PDK1: variants seen among roughly 807,000 people sequenced by gnomAD.
The protein encoded by PDK1 is pyruvate dehydrogenase kinase 1.
A neutral mutation model predicts 54.2 loss-of-function variants in PDK1; 39 were observed. The ratio of observed to expected loss-of-function variants is 0.72; its 90% CI spans 0.56 to 0.94. The LOEUF (loss-of-function observed/expected upper bound fraction) is 0.94, where lower values mean the gene tolerates loss of function less well. PDK1 is among the 40% of genes least tolerant of loss of function. The probability of loss-of-function intolerance (pLI) is 0.00; values close to 1 mark genes in which losing one functional copy is unlikely to be tolerated. For missense variants in PDK1, 552 were observed against 566.0 expected (o/e 0.98, Z 0.25); for synonymous variants, 221 against 207.1 (o/e 1.07, Z -0.58).
the PDK1 span, among the ~76,000 whole-genome samples, chr2:172,619,232 C>G: frequency 6.6e-6 from 1 of 152,288 alleles, no homozygotes; most frequent in African/African-American, 2.4e-5. Context: ...GACATTTGCA[C>G]TCATTCTGCT....
At chr2:172,626,146 A>G in the PDK1 span, among the ~76,000 whole-genome samples, 1 of 152,312 alleles carries the variant, frequency 6.6e-6, no homozygotes, top group South Asian at 2.1e-4. Flanking sequence ...AATAATTTAT[A>G]GTTAAGAAAC....
At chr2:172,723,279 T>C in the PDK1 span, 1 of 152,192 alleles carries the variant, frequency 6.6e-6, no homozygotes, top group African/African-American at 2.4e-5. Context: ...TACTATTCTT[T>C]TGATGACAAA....
intron 6 of PDK1, among the ~76,000 whole-genome samples, chr2:172,567,455 G>A (rs1558932517): frequency 6.6e-6 from 1 of 152,182 alleles, no homozygotes; most frequent in African/African-American, 2.4e-5. Context: ...GGATTGATGA[G>A]TCTCTTTTTC....
the PDK1 span, among the ~76,000 whole-genome samples, chr2:172,632,836 C>T: frequency 2.0e-3 from 297 of 151,490 alleles, no homozygotes; most frequent in African/African-American, 6.4e-3. Flanking sequence ...AAAAATTAGC[C>T]GGGTGTGGTG....
At chr2:172,669,388 T>C in the PDK1 span, among the ~76,000 whole-genome samples, 2 of 152,332 alleles carry the variant, frequency 1.3e-5, no homozygotes, top group South Asian at 4.1e-4. Context: ...TTCCATCGTG[T>C]ATATATAACA....
the PDK1 span, among the ~76,000 whole-genome samples, chr2:172,671,602 A>T: frequency 6.6e-6 from 1 of 151,506 alleles, no homozygotes. Context: ...TTCTTTGTAA[A>T]TTACTGTCTA....
chr2:172,556,252 C>A lies in PDK1; in HGVS notation c.102C>A (p.Ser34=). 1 of 1,474,588 alleles carries A rather than the reference C, an allele frequency of 6.8e-7. No individual in the cohort carries two copies. The allele number at this position is 1,474,588 out of a possible 1,614,324, so 91.3% of individuals were successfully genotyped here. The change falls in exon 1 of 11, where the codon TCC becomes TCA. Residue 34 remains serine (S), a synonymous_variant. Transcript: ENST00000282077. ...GCAGCTTCAGCTCGGACTCGGGCTC[C>A]AGCCCGGCGTCCGAGCGCGGCGTTC... ...FSRSFSSDSG[S]SPASERGVPG...
chr2:172,595,512 A>G (rs1289218142), intron 10 of PDK1, among the ~76,000 whole-genome samples: 2 of 152,110 alleles, frequency 1.3e-5, no homozygotes, highest in African/African-American at 2.4e-5. Context: ...CATTTAACCA[A>G]CTTCTTCAGT....
intron 7 of PDK1, 31 bp downstream of exon 7, chr2:172,568,848 C>T (rs1689101407): frequency 7.7e-7 from 1 of 1,291,622 alleles, no homozygotes; most frequent in African/African-American, 1.5e-5. Context: ...TAACCTTTAC[C>T]AGTACTTTTC....
the PDK1 span, among the ~76,000 whole-genome samples, chr2:172,696,836 T>C: frequency 0.042 from 6,361 of 152,256 alleles, 198 homozygotes; most frequent in Non-Finnish European, 0.062. Flanking sequence ...ATAGGATCCT[T>C]GTAGTGTATG....
At chr2:172,690,866 G>A in the PDK1 span, among the ~76,000 whole-genome samples, 1 of 148,656 alleles carries the variant, frequency 6.7e-6, no homozygotes, top group Non-Finnish European at 1.5e-5. Flanking sequence ...GTGGGGAGCT[G>A]GGGGAGGGAT....
At chr2:172,568,930 C>T in intron 7 of PDK1, 113 bp downstream of exon 7, 1 of 682,008 alleles carries the variant, frequency 1.5e-6, no homozygotes, top group Non-Finnish European at 2.7e-6. Flanking sequence ...CATTTCACAT[C>T]AGTATCATAT....
chr2:172,575,069 T>A (rs1027657967), intron 8 of PDK1, among the ~76,000 whole-genome samples: 3 of 152,250 alleles, frequency 2.0e-5, no homozygotes, highest in Non-Finnish European at 4.4e-5. Flanking sequence ...GTTTTTATCA[T>A]GAAAGGATGT....
chr2:172,634,011 G>A, the PDK1 span, among the ~76,000 whole-genome samples: 1 of 149,968 alleles, frequency 6.7e-6, no homozygotes, highest in Non-Finnish European at 1.5e-5. Context: ...AAGTAGCTGG[G>A]ATTAGAGGCA....
At chr2:172,620,278 T>C in the PDK1 span, among the ~76,000 whole-genome samples, 1 of 152,122 alleles carries the variant, frequency 6.6e-6, no homozygotes, top group Non-Finnish European at 1.5e-5. Flanking sequence ...TCCTAAAATA[T>C]CATGAATAAG....
the PDK1 span, among the ~76,000 whole-genome samples, chr2:172,676,899 C>T: frequency 6.6e-6 from 1 of 152,168 alleles, no homozygotes; most frequent in Non-Finnish European, 1.5e-5. Context: ...CCCCATCCTT[C>T]AGCAACACCA....
At chr2:172,701,227 ATTG>A in the PDK1 span, among the ~76,000 whole-genome samples, 29 of 152,174 alleles carry the variant, frequency 1.9e-4, no homozygotes, top group African/African-American at 6.3e-4. Flanking sequence ...CTGCTCTGTT[ATTG>A]TTGTTTCTTC....
chr2:172,557,342 C>T (rs1382101918), intron 1 of PDK1, among the ~76,000 whole-genome samples: 1 of 152,160 alleles, frequency 6.6e-6, no homozygotes, highest in African/African-American at 2.4e-5. Context: ...GTTTTCTCTT[C>T]TAAAGCAGCA....
At chr2:172,718,890 T>C in the PDK1 span, among the ~76,000 whole-genome samples, 1 of 152,248 alleles carries the variant, frequency 6.6e-6, no homozygotes, top group Non-Finnish European at 1.5e-5. Context: ...TACAGTTCTA[T>C]GAGTTTGGAC....
Sources: gnomAD v4.1 joint callset for allele counts (sites outside exome capture counted in the v4.1 genomes callset) on GRCh38, gnomAD v4.1.1 for gene constraint, MANE v1.5 for transcripts, NCBI Gene and HGNC (gene_info 2026-07-23, HGNC 2026-07-21) for gene names.